Variants in ACMSD observed in about 807,000 individuals in gnomAD.
The protein encoded by ACMSD is 2-amino-3-carboxymuconate-6-semialdehyde decarboxylase.
A neutral mutation model predicts 45.9 loss-of-function variants in ACMSD; 37 were observed. The ratio of observed to expected loss-of-function variants is 0.81; its 90% confidence interval spans 0.62 to 1.06. The LOEUF (loss-of-function observed/expected upper bound fraction) is 1.06. ACMSD is among the 50% of genes least tolerant of loss of function. The probability of loss-of-function intolerance (pLI) is 0.00; values close to 1 mark genes in which losing one functional copy is unlikely to be tolerated. For synonymous variants in ACMSD, 138 were observed against 148.8 expected (o/e 0.93, Z 0.53); for missense variants, 434 against 420.9 (o/e 1.03, Z -0.27).
chr2:134,863,480 TG>T lies in ACMSD; in HGVS notation c.338del (p.Gly113ValfsTer21). 1 of 1,614,260 alleles carries T rather than the reference TG, an allele frequency of 6.2e-7. No individual in the cohort carries two copies. The highest frequency in any genetic ancestry group is 1.1e-5 in the South Asian group (1 of 91,088). On this transcript the variant is annotated frameshift_variant, in exon 5 of 10. Coordinates refer to ENST00000356140, the MANE Select transcript of ACMSD (RefSeq NM_138326.3). LOFTEE classifies it high-confidence loss of function. ...STVVSYPRRF[V>X]GLGTLPMQAP... is the part of the protein sequence containing the mutation. ...GTTGTGAGCTACCCCAGGAGGTTCG[TG>T]GGTCTGGGGACGTTGCCCATGCAGG... is the stretch of plus-strand genomic sequence containing the variant.
chr2:134,853,735 T>C (rs886120990), intron 2 of ACMSD, among the ~76,000 whole-genome samples: 4 of 152,130 alleles, frequency 2.6e-5, no homozygotes, highest in South Asian at 2.1e-4. Context: ...TGGGGGCTTA[T>C]TATACGGGCA....
rs1687713860 is a variant in ACMSD, at chr2:134,858,891, C to A, written c.103-370C>A. On this transcript the variant is annotated intron_variant, in intron 2 of 9. Coordinates refer to ENST00000356140, the MANE Select transcript of ACMSD (RefSeq NM_138326.3). ...GGTGGTCTATCTCAAAGGTTCTTTT[C>A]AATTCTAAATGTTATAGAACTACCA... Among the ~76,000 whole-genome samples the A allele has an allele frequency of 1.3e-5, 2 of 150,258 alleles. 1 individual carries two copies. The highest frequency in any genetic ancestry group is 4.3e-4 in the South Asian group (2 of 4,694).
At chr2:134,847,397 C>CAGATAGATAGATAGATAGATAGAT (rs1213803670) in intron 2 of ACMSD, among the ~76,000 whole-genome samples, 11 of 81,460 alleles carry the variant, frequency 1.4e-4, no homozygotes, top group Non-Finnish European at 1.7e-4. Flanking sequence ...TTTGGGGATA[C>CAGATAGATAGATAGATAGATAGAT]AGATAGATAG....
chr2:134,862,966 G>C, intron 4 of ACMSD: 1 of 985,454 alleles, frequency 1.0e-6, no homozygotes, highest in Non-Finnish European at 1.2e-6. Flanking sequence ...ACAAGTCAGT[G>C]AGCCAGCCTG....
chr2:134,844,577 G>T (rs557483904), intron 1 of ACMSD: 46 of 153,526 alleles, frequency 3.0e-4, no homozygotes, highest in African/African-American at 1.1e-3. Context: ...TCAATTATCT[G>T]TTAAGGGCGT....
intron 8 of ACMSD, among the ~76,000 whole-genome samples, chr2:134,881,583 G>T (rs1256870073): frequency 6.6e-6 from 1 of 152,146 alleles, no homozygotes; most frequent in African/African-American, 2.4e-5. Context: ...GTTCTGAAGG[G>T]CAAGGGTGAT....
intron 2 of ACMSD, among the ~76,000 whole-genome samples, chr2:134,847,455 T>C (rs572106110): frequency 1.6e-4 from 24 of 150,800 alleles, no homozygotes; most frequent in African/African-American, 4.9e-4. Flanking sequence ...TAGATATAGA[T>C]AGAGATAGAG....
At chr2:134,852,884 G>T (rs1317692133) in intron 2 of ACMSD, among the ~76,000 whole-genome samples, 1 of 152,096 alleles carries the variant, frequency 6.6e-6, no homozygotes, top group Non-Finnish European at 1.5e-5. Context: ...TACATTTCTG[G>T]CTGGGCATGG....
At chr2:134,896,496 C>A (rs1690160299) in intron 8 of ACMSD, among the ~76,000 whole-genome samples, 1 of 152,144 alleles carries the variant, frequency 6.6e-6, no homozygotes, top group South Asian at 2.1e-4. Flanking sequence ...CACAAGGGAT[C>A]TTAGTAGACA....
At chr2:134,887,983 TG>T (rs1220223299) in intron 8 of ACMSD, among the ~76,000 whole-genome samples, 1 of 152,216 alleles carries the variant, frequency 6.6e-6, no homozygotes, top group East Asian at 1.9e-4. Flanking sequence ...TTGGACAAGA[TG>T]CAGAAAGCAA....
intron 8 of ACMSD, among the ~76,000 whole-genome samples, chr2:134,879,856 A>ATT (rs1688941138): frequency 6.6e-6 from 1 of 152,160 alleles, no homozygotes; most frequent in South Asian, 2.1e-4. Flanking sequence ...CTGAGTTGCT[A>ATT]TTTAAACCTG....
At chr2:134,859,460 T>C in intron 3 of ACMSD, 103 bp downstream of exon 3, 1 of 1,097,226 alleles carries the variant, frequency 9.1e-7, no homozygotes, top group Non-Finnish European at 1.4e-6. Context: ...TGACCCCCTT[T>C]TCTCTGCCAG....
chr2:134,876,593 C>A (rs1027880770), intron 8 of ACMSD, among the ~76,000 whole-genome samples: 1 of 152,136 alleles, frequency 6.6e-6, no homozygotes, highest in African/African-American at 2.4e-5. Context: ...TCATCTCCTA[C>A]GACAATGCCT....
chr2:134,892,920 C>G (rs1689882221), intron 8 of ACMSD, among the ~76,000 whole-genome samples: 1 of 152,152 alleles, frequency 6.6e-6, no homozygotes, highest in Non-Finnish European at 1.5e-5. Context: ...GTCCAGCAGG[C>G]AGTCACATAC....
intron 8 of ACMSD, among the ~76,000 whole-genome samples, chr2:134,889,473 T>A (rs932228175): frequency 1.3e-4 from 20 of 152,128 alleles, no homozygotes; most frequent in Admixed American, 1.1e-3. Flanking sequence ...CCCTCTGTAT[T>A]CACAGGTTCC....
intron 8 of ACMSD, among the ~76,000 whole-genome samples, chr2:134,892,235 T>TAA (rs74931399): frequency 3.0e-4 from 46 of 151,012 alleles, no homozygotes; most frequent in African/African-American, 7.3e-4. Flanking sequence ...ATTTTTTTTT[T>TAA]AAAAAATCGG....
intron 8 of ACMSD, among the ~76,000 whole-genome samples, chr2:134,890,802 G>A (rs928052873): frequency 6.6e-6 from 1 of 151,828 alleles, no homozygotes; most frequent in Admixed American, 6.6e-5. Flanking sequence ...TACATGGAAG[G>A]TTCCTGAATT....
At chr2:134,840,789 T>C (rs1286772965) in intron 1 of ACMSD, among the ~76,000 whole-genome samples, 3 of 152,190 alleles carry the variant, frequency 2.0e-5, no homozygotes, top group South Asian at 2.1e-4. Context: ...CCATAGGCTA[T>C]TGGGGAACAG....
chr2:134,886,275 GTC>G (rs113111650), intron 8 of ACMSD, among the ~76,000 whole-genome samples: 2,579 of 117,126 alleles, frequency 0.022, 92 homozygotes, highest in African/African-American at 0.09. Context: ...TTTTGGCAGA[GTC>G]TCGCTCTGCC....
Sources: gnomAD v4.1 joint callset for allele counts (sites outside exome capture counted in the v4.1 genomes callset) on GRCh38, gnomAD v4.1.1 for gene constraint, MANE v1.5 for transcripts, NCBI Gene and HGNC (gene_info 2026-07-23, HGNC 2026-07-21) for gene names.